Variants in COL9A1 observed in about 807,000 individuals in gnomAD.
COL9A1 encodes collagen alpha-1(IX) chain.
In COL9A1, 104 loss-of-function variants were observed where a neutral mutation model predicts 142.6. That is an observed-to-expected ratio of 0.73 (90% CI 0.62 to 0.86). COL9A1 has a LOEUF of 0.86. Among genes scored for constraint, COL9A1 ranks in the 40% least tolerant of loss-of-function variants. The probability of loss-of-function intolerance (pLI) is 0.00; values close to 1 mark genes in which losing one functional copy is unlikely to be tolerated. For synonymous variants in COL9A1, 466 were observed against 396.0 expected (o/e 1.18, Z -2.10); for missense variants, 1,210 against 1,176.6 (o/e 1.03, Z -0.42).
At chr6:70,294,040 CTTCCTCTGA>C (rs980294323) in intron 5 of COL9A1, 118 bp downstream of exon 5, 2 of 1,303,918 alleles carry the variant, frequency 1.5e-6, no homozygotes, top group African/African-American at 2.9e-5. Flanking sequence ...ATCTACTTAA[CTTCCTCTGA>C]TTCCAAATTC....
intron 35 of COL9A1, 66 bp from the exon 36 acceptor site, chr6:70,232,837 G>A (rs1361498503): frequency 5.3e-6 from 8 of 1,499,378 alleles, no homozygotes; most frequent in Non-Finnish European, 7.3e-6. Flanking sequence ...AATGAAAAGA[G>A]AGGTATTCCA....
In COL9A1 at chr6:70,303,051, C is replaced by G; in HGVS notation, c.-127G>C. The G allele has an allele frequency of 1.0e-6, 1 of 994,564 alleles. No individual in the cohort carries two copies. Among genetic ancestry groups the G allele is most frequent in the East Asian group, 2.4e-5 (1 of 42,030 alleles). 61.6% of individuals were successfully genotyped at this position (994,564 alleles called of 1,614,324 possible). A position where few individuals can be genotyped will look rare whatever the true frequency, so the allele number is the denominator to read the frequency against. On this transcript the variant is annotated 5_prime_UTR_variant, in exon 1 of 38. Transcript: ENST00000357250. The stretch of plus-strand genomic sequence containing the variant: ...ATGTGTTCTGGGCCCAGCCTTGGTC[C>G]CTCCTGCCCCCGGTGAGGGCTAAAA...
In COL9A1 at chr6:70,225,868, A is replaced by T. The variant is rs945024661; in HGVS notation, c.2581+64T>A. 3.4e-6 allele frequency: 4 copies of T among 1,160,658 alleles called. No individual in the cohort carries two copies. The African/African-American group carries it at 4.5e-5, about 13-fold the overall frequency. 71.9% of individuals were successfully genotyped at this position (1,160,658 alleles called of 1,614,324 possible). A position where few individuals can be genotyped will look rare whatever the true frequency, so the allele number is the denominator to read the frequency against. ...AACAATTATTTTAAAATTTTATTCA[A>T]TTCAGGCTGTGTACTTGCTACCAAT... On this transcript the variant is annotated intron_variant, in intron 37 of 37. Transcript: ENST00000357250.
chr6:70,283,061 C>T, intron 6 of COL9A1, 143 bp from the exon 7 acceptor site: 5 of 1,584,552 alleles, frequency 3.2e-6, no homozygotes, highest in Non-Finnish European at 4.3e-6. Context: ...ATGCCCGCCG[C>T]CCGCCGCTAA....
chr6:70,262,260 G>C (rs151241775), intron 19 of COL9A1, among the ~76,000 whole-genome samples: 1 of 152,042 alleles, frequency 6.6e-6, no homozygotes, highest in African/African-American at 2.4e-5. Flanking sequence ...AAACACTCAG[G>C]GGAGGGCAAA....
At chr6:70,287,336 T>C (rs1396706361) in intron 5 of COL9A1, among the ~76,000 whole-genome samples, 1 of 152,164 alleles carries the variant, frequency 6.6e-6, no homozygotes, top group Non-Finnish European at 1.5e-5. Flanking sequence ...TATTATTAAA[T>C]TGTCATTGAA....
chr6:70,263,887 T>C (rs182278287), intron 18 of COL9A1, among the ~76,000 whole-genome samples: 1 of 152,118 alleles, frequency 6.6e-6, no homozygotes, highest in Admixed American at 6.5e-5. Context: ...TTTATTTATA[T>C]TTTTGCTCTA....
intron 10 of COL9A1, 186 bp downstream of exon 10, chr6:70,280,626 C>T: frequency 7.7e-7 from 1 of 1,304,518 alleles, no homozygotes; most frequent in Non-Finnish European, 1.0e-6. Flanking sequence ...TCCTCACCTT[C>T]ACAAGTCCTT....
At chr6:70,285,344 G>A (rs372532681) in intron 5 of COL9A1, among the ~76,000 whole-genome samples, 5 of 152,096 alleles carry the variant, frequency 3.3e-5, no homozygotes, top group African/African-American at 1.2e-4. Flanking sequence ...TACAACAACC[G>A]TTTTTTGGCA....
chr6:70,291,775 A>G (rs963487259), intron 5 of COL9A1, among the ~76,000 whole-genome samples: 1 of 152,178 alleles, frequency 6.6e-6, no homozygotes, highest in African/African-American at 2.4e-5. Flanking sequence ...AAGGAAAAAT[A>G]TGTGGTTGCA....
At position 70,257,988 on chromosome 6, in the gene COL9A1, A is replaced by G. The variant is rs3806086; in HGVS notation, c.1450-1167T>C. On this transcript the variant is annotated intron_variant, in intron 20 of 37. Transcript: ENST00000357250. Reference sequence around the variant, plus strand: ...TCAATTTATATAAAGTAACCGGCCTATTTTCTCAAGAGCAGATCCAGTCTA... The same window carrying G: ...TCAATTTATATAAAGTAACCGGCCTGTTTTCTCAAGAGCAGATCCAGTCTA... Among the ~76,000 whole-genome samples, 109 of 152,288 alleles carry G rather than the reference A, an allele frequency of 7.2e-4. 4 individuals carry two copies. The East Asian group carries it at 0.019, about 26-fold the overall frequency.
At chr6:70,267,043 T>C (rs575177219) in intron 17 of COL9A1, among the ~76,000 whole-genome samples, 25 of 152,240 alleles carry the variant, frequency 1.6e-4, no homozygotes, top group Non-Finnish European at 3.5e-4. Flanking sequence ...TGCCTGCTAT[T>C]TCCTAGATCC....
Position 70,216,939 on chromosome 6 carries a change from C to T in COL9A1, c.2724G>A (p.Met908Ile), listed in dbSNP as rs1385192983. 5 of 1,614,052 alleles carry T rather than the reference C, an allele frequency of 3.1e-6. No individual in the cohort carries two copies. Among genetic ancestry groups the T allele is most frequent in the Non-Finnish European group, 4.2e-6 (5 of 1,180,042 alleles). The change falls in exon 38 of 38, where the codon ATG (methionine) becomes ATA (isoleucine). Residue 908 changes from methionine (M) to isoleucine (I), a missense_variant. Coordinates refer to ENST00000357250, the MANE Select transcript of COL9A1 (RefSeq NM_001851.6). ...TGTTAAATGCTCGCTGACCAGCCTG[C>T]ATGGTGCAGGAGGCTGGCTCACAGA... ...PGFCEPASCT[M>I]QAGQRAFNKG...
Position 70,241,450 on chromosome 6 carries a change from A to G in COL9A1, c.2003T>C (p.Val668Ala), listed in dbSNP as rs1199161003. The change falls in exon 31 of 38, where the codon GTA becomes GCA. Residue 668 changes from valine to alanine, a missense_variant. Val to Ala is a moderately conservative substitution (Grantham distance 64). Transcript: ENST00000357250. ...ACCCTTTGGACCCGGTTCACCGACTACACCCTGTAATAAATAAAATATAAT... is the reference window on the plus strand; with the variant it reads ...ACCCTTTGGACCCGGTTCACCGACTGCACCCTGTAATAAATAAAATATAAT... ...GLPGMKGDRGVVGEPGPKGEQ... is the reference protein window; with the variant it reads ...GLPGMKGDRGAVGEPGPKGEQ... 3 of 1,609,708 alleles carry G rather than the reference A, an allele frequency of 1.9e-6. No individual in the cohort carries two copies. The highest frequency in any genetic ancestry group is 3.3e-5 in the Admixed American group (2 of 60,004).
intron 28 of COL9A1, among the ~76,000 whole-genome samples, chr6:70,249,967 A>C (rs1272370007): frequency 6.6e-6 from 1 of 152,190 alleles, no homozygotes; most frequent in African/African-American, 2.4e-5. Context: ...TGCTCTTTAA[A>C]GTGACTAATA....
At chr6:70,219,004 GT>G (rs1254383397) in intron 37 of COL9A1, among the ~76,000 whole-genome samples, 1 of 152,122 alleles carries the variant, frequency 6.6e-6, no homozygotes, top group Non-Finnish European at 1.5e-5. Context: ...ATCATTATGT[GT>G]TTTCTTTTAA....
At chr6:70,247,799 G>GA (rs941382245) in intron 28 of COL9A1, among the ~76,000 whole-genome samples, 18 of 149,928 alleles carry the variant, frequency 1.2e-4, no homozygotes, top group African/African-American at 2.9e-4. Context: ...TACAGAGGCA[G>GA]AAAAAAAAAA....
rs1583322967 is a variant in COL9A1, at chr6:70,280,499, C to A, written c.975+313G>T. 7 of 1,335,142 alleles carry A rather than the reference C, an allele frequency of 5.2e-6. No homozygotes were observed. The East Asian group carries it at 1.3e-4, about 24-fold the overall frequency. 82.7% of individuals were successfully genotyped at this position (1,335,142 alleles called of 1,614,324 possible). ...TATTGCCATCCGTACCCCCTCTGGCCCCAGTGGGGCTGAGAGTTCACAGCG... is the reference window on the plus strand; with the variant it reads ...TATTGCCATCCGTACCCCCTCTGGCACCAGTGGGGCTGAGAGTTCACAGCG... On this transcript the variant is annotated intron_variant, in intron 10 of 37. Transcript: ENST00000357250.
intron 30 of COL9A1, 111 bp downstream of exon 30, chr6:70,241,853 T>C (rs1002269717): frequency 2.2e-6 from 2 of 924,750 alleles, no homozygotes; most frequent in African/African-American, 1.6e-5. Context: ...GATAGCTGTT[T>C]ATGATAAATT....
Sources: gnomAD v4.1 joint callset for allele counts (sites outside exome capture counted in the v4.1 genomes callset) on GRCh38, gnomAD v4.1.1 for gene constraint, MANE v1.5 for transcripts, NCBI Gene and HGNC (gene_info 2026-07-23, HGNC 2026-07-21) for gene names.